Variants in ATP8A2 observed in about 807,000 individuals in gnomAD.
ATP8A2 encodes ATPase phospholipid transporting 8A2.
A neutral mutation model predicts 165.6 loss-of-function variants in ATP8A2; 100 were observed. The ratio of observed to expected loss-of-function variants is 0.60; its 90% CI spans 0.51 to 0.71. ATP8A2 has a LOEUF of 0.71. Among genes scored for constraint, ATP8A2 ranks in the 30% least tolerant of loss-of-function variants. ATP8A2 has a pLI of 0.00. For missense variants in ATP8A2, 1,227 were observed against 1,479.5 expected, an observed-to-expected ratio of 0.83 and a Z score of 2.80; for synonymous variants, 543 against 548.8, an observed-to-expected ratio of 0.99 and a Z score of 0.15.
intron 1 of ATP8A2, among the ~76,000 whole-genome samples, chr13:25,399,285 A>G (rs2033539221): frequency 6.6e-6 from 1 of 151,814 alleles, no homozygotes; most frequent in Non-Finnish European, 1.5e-5. Flanking sequence ...TGGGACCAAG[A>G]ATTCGCATTT....
chr13:25,593,436 A>G (rs904298200), intron 24 of ATP8A2, among the ~76,000 whole-genome samples: 1 of 152,202 alleles, frequency 6.6e-6, no homozygotes, highest in Non-Finnish European at 1.5e-5. Context: ...TATGCTGCCA[A>G]AATAACTTCT....
chr13:25,450,142 G>A (rs763919966), intron 1 of ATP8A2, among the ~76,000 whole-genome samples: 4 of 152,132 alleles, frequency 2.6e-5, no homozygotes, highest in Non-Finnish European at 2.9e-5. Context: ...CCATGTTCCT[G>A]CAAAAGACAT....
chr13:25,686,527 A>G (rs1014483636), intron 24 of ATP8A2, among the ~76,000 whole-genome samples: 3 of 152,164 alleles, frequency 2.0e-5, no homozygotes, highest in Non-Finnish European at 4.4e-5. Flanking sequence ...CTCAGGGGTA[A>G]CAAGTTCAGT....
chr13:25,986,578 TACC>T (rs1478162413), intron 35 of ATP8A2, among the ~76,000 whole-genome samples: 1 of 152,238 alleles, frequency 6.6e-6, no homozygotes, highest in African/African-American at 2.4e-5. Flanking sequence ...TGTGTATATG[TACC>T]ACATTTTCTT....
chr13:25,671,694 C>A (rs1020620292), intron 24 of ATP8A2, among the ~76,000 whole-genome samples: 1 of 152,134 alleles, frequency 6.6e-6, no homozygotes, highest in Non-Finnish European at 1.5e-5. Context: ...ATCTCAAAAC[C>A]CTGTCTCCTG....
chr13:25,745,293 A>T (rs917810399), intron 25 of ATP8A2, among the ~76,000 whole-genome samples: 1 of 152,102 alleles, frequency 6.6e-6, no homozygotes, highest in African/African-American at 2.4e-5. Flanking sequence ...TGGGATGCTC[A>T]TGGCATAGAA....
At chr13:25,646,189 T>A (rs186559016) in intron 24 of ATP8A2, among the ~76,000 whole-genome samples, 19 of 152,280 alleles carry the variant, frequency 1.2e-4, no homozygotes, top group Non-Finnish European at 2.2e-4. Flanking sequence ...CTTTTTCTAG[T>A]TTTTTACTTA....
chr13:25,939,590 C>T (rs1015538170), intron 33 of ATP8A2, among the ~76,000 whole-genome samples: 4 of 151,538 alleles, frequency 2.6e-5, no homozygotes, highest in African/African-American at 4.9e-5. Context: ...TGTGGAGACT[C>T]CTCTGTTACC....
At chr13:25,570,894 G>A (rs373332493) in intron 17 of ATP8A2, 22 bp downstream of exon 17, 59 of 1,554,526 alleles carry the variant, frequency 3.8e-5, no homozygotes, top group Non-Finnish European at 4.9e-5. Flanking sequence ...GGCCGGATGC[G>A]CCCTGCTGGC....
At chr13:25,938,048 G>A (rs2139096080) in intron 33 of ATP8A2, among the ~76,000 whole-genome samples, 1 of 151,986 alleles carries the variant, frequency 6.6e-6, no homozygotes, top group South Asian at 2.1e-4. Context: ...CTGAAACTAG[G>A]GAAACTGTAT....
chr13:25,856,625 A>G (rs1952173257), intron 30 of ATP8A2, among the ~76,000 whole-genome samples: 1 of 152,190 alleles, frequency 6.6e-6, no homozygotes, highest in Non-Finnish European at 1.5e-5. Flanking sequence ...CCATTTTAAC[A>G]TTTTAAGCAT....
intron 24 of ATP8A2, among the ~76,000 whole-genome samples, chr13:25,612,554 CAT>C (rs2040715364): frequency 6.6e-6 from 1 of 152,050 alleles, no homozygotes; most frequent in Non-Finnish European, 1.5e-5. Flanking sequence ...TGTGGCCTAT[CAT>C]ATGGTCTAGC....
chr13:25,974,701 C>T (rs905854782), intron 35 of ATP8A2, among the ~76,000 whole-genome samples: 4 of 152,226 alleles, frequency 2.6e-5, no homozygotes, highest in South Asian at 2.1e-4. Context: ...GCCCTTCCTT[C>T]GGAGTCTCCT....
intron 1 of ATP8A2, among the ~76,000 whole-genome samples, chr13:25,440,139 C>T (rs2034892136): frequency 6.9e-6 from 1 of 145,668 alleles, no homozygotes. Context: ...GCAGAAAGAG[C>T]TCTACACAGA....
At chr13:25,381,476 G>A (rs1458876993) in intron 1 of ATP8A2, among the ~76,000 whole-genome samples, 1 of 152,162 alleles carries the variant, frequency 6.6e-6, no homozygotes, top group East Asian at 1.9e-4. Flanking sequence ...GGAAGACAAA[G>A]GTAGGTTTTA....
At chr13:25,406,921 G>T (rs1309293003) in intron 1 of ATP8A2, among the ~76,000 whole-genome samples, 2 of 152,218 alleles carry the variant, frequency 1.3e-5, no homozygotes, top group Admixed American at 6.5e-5. Context: ...AGATCGTCAG[G>T]CCACCAAGGT....
intron 25 of ATP8A2, among the ~76,000 whole-genome samples, chr13:25,718,798 G>A (rs561765277): frequency 4.6e-5 from 7 of 152,296 alleles, no homozygotes; most frequent in Non-Finnish European, 8.8e-5. Flanking sequence ...TTACAAACAC[G>A]TACTGTTTAT....
intron 1 of ATP8A2, among the ~76,000 whole-genome samples, chr13:25,389,148 C>T (rs2033156997): frequency 6.6e-6 from 1 of 152,152 alleles, no homozygotes; most frequent in Non-Finnish European, 1.5e-5. Flanking sequence ...GAAGTAGCCA[C>T]TGTTTTACTT....
At chr13:25,582,998 C>G (rs2039817690) in intron 23 of ATP8A2, among the ~76,000 whole-genome samples, 3 of 152,212 alleles carry the variant, frequency 2.0e-5, no homozygotes, top group Admixed American at 1.3e-4. Context: ...CATAAACAGT[C>G]CCTGAAGAAT....
Sources: gnomAD v4.1 joint callset for allele counts (sites outside exome capture counted in the v4.1 genomes callset) on GRCh38, gnomAD v4.1.1 for gene constraint, MANE v1.5 for transcripts, NCBI Gene and HGNC (gene_info 2026-07-23, HGNC 2026-07-21) for gene names.